Variants in TFCP2L1 observed in about 807,000 individuals in gnomAD.
TFCP2L1 encodes the protein transcription factor CP2-like protein 1.
In TFCP2L1, 12 loss-of-function variants were observed where a neutral mutation model predicts 72.2. The observed-to-expected ratio is 0.17, with a 90% CI of 0.11 to 0.27. The LOEUF (loss-of-function observed/expected upper bound fraction) is 0.27. TFCP2L1 is among the 10% of genes least tolerant of loss of function. The probability of loss-of-function intolerance (pLI) is 1.00; values close to 1 mark genes in which losing one functional copy is unlikely to be tolerated. For synonymous variants in TFCP2L1, 260 were observed against 251.0 expected (o/e 1.04, Z -0.34); for missense variants, 488 against 624.6 (o/e 0.78, Z 2.33).
chr2:121,237,475 G>A, intron 10 of TFCP2L1, 148 bp downstream of exon 10: 1 of 854,024 alleles, frequency 1.2e-6, no homozygotes, highest in Non-Finnish European at 1.8e-6. Flanking sequence ...CAGGGTTGGG[G>A]CACGTGAGCG....
At chr2:121,278,074 G>A (rs1288574553) in intron 2 of TFCP2L1, among the ~76,000 whole-genome samples, 1 of 144,976 alleles carries the variant, frequency 6.9e-6, no homozygotes, top group Non-Finnish European at 1.5e-5. Context: ...CTGTCGCCCA[G>A]GTCGGACTGC....
At chr2:121,235,574 CTTT>C (rs34634906) in intron 10 of TFCP2L1, among the ~76,000 whole-genome samples, 2,317 of 119,758 alleles carry the variant, frequency 0.019, 78 homozygotes, top group African/African-American at 0.07. Context: ...TTCTTTCTTT[CTTT>C]TTTTTTTTTT....
rs1471425106 is a variant in TFCP2L1, at chr2:121,285,128, G to T, written c.-19C>A. 3 of 1,483,468 alleles carry T rather than the reference G, an allele frequency of 2.0e-6. No individual in the cohort carries two copies. Among genetic ancestry groups the T allele is most frequent in the South Asian group, 2.7e-5 (2 of 74,872 alleles). The allele number at this position is 1,483,468 out of a possible 1,614,324, so 91.9% of individuals were successfully genotyped here. ...AGAGCATGGCTGGAACTCCCAGCGC[G>T]CCGACCGGGGCGCGGCAGCAAGCGC... is the stretch of plus-strand genomic sequence containing the variant. On this transcript the variant is annotated 5_prime_UTR_variant, in exon 1 of 15. Transcript: ENST00000263707.
intron 14 of TFCP2L1, among the ~76,000 whole-genome samples, chr2:121,224,994 A>G (rs933109831): frequency 1.3e-5 from 2 of 151,834 alleles, no homozygotes; most frequent in Non-Finnish European, 2.9e-5. Flanking sequence ...AAAAAAAAAA[A>G]AAAAAGACAC....
rs535171879 is a variant in TFCP2L1, at chr2:121,225,754, G to A, written c.1342-141C>T. On this transcript the variant is annotated intron_variant, in intron 13 of 14. Transcript: ENST00000263707. The stretch of plus-strand genomic sequence containing the variant: ...ACGGTGCCCACACACACAGGAACGC[G>A]GTAAACACCACTGCCACGGTGCCCA... 542 of 807,234 alleles carry A rather than the reference G, an allele frequency of 6.7e-4. 5 individuals are homozygous for A. The South Asian group carries it at 7.7e-3, about 11-fold the overall frequency. The allele number at this position is 807,234 out of a possible 1,614,324, so 50.0% of individuals were successfully genotyped here.
intron 2 of TFCP2L1, among the ~76,000 whole-genome samples, chr2:121,272,668 C>T (rs942208133): frequency 2.0e-5 from 3 of 152,132 alleles, no homozygotes. Flanking sequence ...TGTTAACTTC[C>T]AAAACAGGAT....
At chr2:121,234,347 C>A (rs1320577761) in intron 11 of TFCP2L1, 153 bp from the exon 12 acceptor site, 7 of 681,238 alleles carry the variant, frequency 1.0e-5, no homozygotes, top group Non-Finnish European at 1.8e-5. Context: ...TGGTGGATGA[C>A]CCTCCCAGGT....
chr2:121,260,262 G>T (rs1191064241), intron 2 of TFCP2L1, among the ~76,000 whole-genome samples: 1 of 151,524 alleles, frequency 6.6e-6, no homozygotes, highest in East Asian at 1.9e-4. Flanking sequence ...AGAGGGGAAA[G>T]GGAGCTGGGG....
rs1261037205 is a variant in TFCP2L1, at chr2:121,279,003, C to CA, written c.214+2116dup. The stretch of plus-strand genomic sequence containing the variant: ...TGGGAGACAGAGCAAGACTCTGTCT[C>CA]AAAAAAAAAAGGAGTTGGAAGGGGT... On this transcript the variant is annotated intron_variant, in intron 2 of 14. Transcript: ENST00000263707. Among the ~76,000 whole-genome samples, 99 of 143,918 alleles carry CA rather than the reference C, an allele frequency of 6.9e-4. 1 individual carries two copies. Among genetic ancestry groups the CA allele is most frequent in the Middle Eastern group, 3.5e-3 (1 of 284 alleles). 94.4% of individuals were successfully genotyped at this position (143,918 alleles called of 152,430 possible). A position where few individuals can be genotyped will look rare whatever the true frequency, so the allele number is the denominator to read the frequency against.
intron 2 of TFCP2L1, among the ~76,000 whole-genome samples, chr2:121,271,113 C>CT (rs907534742): frequency 6.6e-6 from 1 of 151,366 alleles, no homozygotes; most frequent in African/African-American, 2.4e-5. Context: ...TCGCTTGAAC[C>CT]TGGGAGGAAA....
chr2:121,273,390 T>C (rs1313833492), intron 2 of TFCP2L1, among the ~76,000 whole-genome samples: 1 of 152,194 alleles, frequency 6.6e-6, no homozygotes, highest in Non-Finnish European at 1.5e-5. Flanking sequence ...TACAATGACC[T>C]TTGGCCACTG....
intron 1 of TFCP2L1, 37 bp from the exon 2 acceptor site, chr2:121,281,308 C>T (rs1167907754): frequency 1.3e-6 from 2 of 1,554,588 alleles, no homozygotes; most frequent in African/African-American, 2.8e-5. Flanking sequence ...GGAGCAGAGC[C>T]CCAGGGGGCT....
chr2:121,275,439 A>G (rs1687128430), intron 2 of TFCP2L1, among the ~76,000 whole-genome samples: 1 of 151,036 alleles, frequency 6.6e-6, no homozygotes, highest in Non-Finnish European at 1.5e-5. Flanking sequence ...GACATTTTAC[A>G]TGTTTAGGAT....
intron 2 of TFCP2L1, among the ~76,000 whole-genome samples, chr2:121,276,228 C>A (rs912924490): frequency 3.3e-5 from 5 of 151,940 alleles, no homozygotes; most frequent in Non-Finnish European, 4.4e-5. Context: ...TCCCCCACCC[C>A]CCGACAGGCC....
At chr2:121,271,228 G>A (rs1476961246) in intron 2 of TFCP2L1, among the ~76,000 whole-genome samples, 1 of 151,652 alleles carries the variant, frequency 6.6e-6, no homozygotes, top group African/African-American at 2.4e-5. Flanking sequence ...AAAGCAAGGT[G>A]TCAAACAGCA....
intron 2 of TFCP2L1, among the ~76,000 whole-genome samples, chr2:121,263,190 C>A (rs1686859236): frequency 6.6e-6 from 1 of 152,234 alleles, no homozygotes; most frequent in Non-Finnish European, 1.5e-5. Context: ...CCTGCCTCGG[C>A]CTCCCAAAGT....
intron 2 of TFCP2L1, among the ~76,000 whole-genome samples, chr2:121,255,612 G>T (rs867713788): frequency 6.6e-6 from 1 of 152,212 alleles, no homozygotes; most frequent in African/African-American, 2.4e-5. Flanking sequence ...GTCTGACGCC[G>T]AAGGTGGAAC....
chr2:121,284,060 G>A (rs1422203705), intron 1 of TFCP2L1, among the ~76,000 whole-genome samples: 2 of 152,218 alleles, frequency 1.3e-5, no homozygotes, highest in Non-Finnish European at 2.9e-5. Flanking sequence ...CCAGCAGCCA[G>A]GAATTACAAA....
chr2:121,235,461 A>T (rs1686227144), intron 10 of TFCP2L1, 150 bp from the exon 11 acceptor site: 1 of 722,636 alleles, frequency 1.4e-6, no homozygotes, highest in Non-Finnish European at 2.4e-6. Context: ...CAAAATGCTC[A>T]ACAACATCAA....
Sources: allele counts gnomAD v4.1 joint callset (sites outside exome capture counted in the v4.1 genomes callset), GRCh38; gene constraint gnomAD v4.1.1; transcripts MANE v1.5; gene names NCBI Gene and HGNC (gene_info 2026-07-23, HGNC 2026-07-21).